PTGIS: variants seen among roughly 807,000 people sequenced by gnomAD.
The protein encoded by PTGIS is prostaglandin I2 synthase, also known as prostacyclin synthase.
PTGIS carries 45 observed loss-of-function variants against 50.3 expected under a neutral mutation model. The observed-to-expected ratio is 0.90, with a 90% confidence interval of 0.70 to 1.15. The LOEUF (loss-of-function observed/expected upper bound fraction) is 1.15. Ranked by LOEUF, PTGIS falls within the 50% of genes most tolerant of loss-of-function variation. The probability of loss-of-function intolerance (pLI) is 0.00; values close to 1 mark genes in which losing one functional copy is unlikely to be tolerated. For missense variants in PTGIS, 668 were observed against 661.3 expected (o/e 1.01, Z -0.11); for synonymous variants, 260 against 267.7 (o/e 0.97, Z 0.28).
chr20:49,514,000 G>A (rs917124916), intron 7 of PTGIS, among the ~76,000 whole-genome samples: 5 of 152,228 alleles, frequency 3.3e-5, no homozygotes, highest in Admixed American at 3.3e-4. Flanking sequence ...ATGTCTCAAA[G>A]TACCTTTTCA....
intron 2 of PTGIS, 65 bp from the exon 3 acceptor site, chr20:49,548,084 C>A: frequency 5.4e-6 from 8 of 1,489,600 alleles, no homozygotes; most frequent in Non-Finnish European, 7.4e-6. Flanking sequence ...TCTCAGTGGT[C>A]AGGGCCTTAC....
intron 1 of PTGIS, among the ~76,000 whole-genome samples, chr20:49,556,092 A>C (rs1982617526): frequency 6.6e-6 from 1 of 152,176 alleles, no homozygotes; most frequent in Admixed American, 6.5e-5. Flanking sequence ...CTTTTAAGCT[A>C]TTTATAGCTT....
At chr20:49,513,047 G>A in intron 8 of PTGIS, 33 bp downstream of exon 8, 1 of 1,612,852 alleles carries the variant, frequency 6.2e-7, no homozygotes, top group Non-Finnish European at 8.5e-7. Context: ...TTCTCCCACA[G>A]ACCCCATATG....
Position 49,507,568 on chromosome 20 carries a change from T to A in PTGIS, c.*352A>T. 2.6e-6 allele frequency: 1 copy of A among 381,874 alleles called. No individual in the cohort carries two copies. Among genetic ancestry groups the A allele is most frequent in the Non-Finnish European group, 5.0e-6 (1 of 199,056 alleles). 23.7% of individuals were successfully genotyped at this position (381,874 alleles called of 1,614,324 possible). On this transcript the variant is annotated 3_prime_UTR_variant, in exon 10 of 10. Transcript: ENST00000244043. ...TGCTAGCTCATAAGAACTAGGAAGGTGACACCTCCGGGAGTTGGGGGCAGA... is the reference window on the plus strand; with the variant it reads ...TGCTAGCTCATAAGAACTAGGAAGGAGACACCTCCGGGAGTTGGGGGCAGA...
At chr20:49,510,140 C>T (rs1242554143) in intron 9 of PTGIS, among the ~76,000 whole-genome samples, 5 of 151,926 alleles carry the variant, frequency 3.3e-5, no homozygotes, top group African/African-American at 4.8e-5. Context: ...CTGCCCACCT[C>T]GGCCTCCCAA....
chr20:49,508,070 G>A lies in PTGIS; in HGVS notation c.1359-6C>T. The A allele has an allele frequency of 3.7e-6, 6 of 1,613,694 alleles. No homozygotes were observed. Among genetic ancestry groups the A allele is most frequent in the Non-Finnish European group, 5.1e-6 (6 of 1,180,034 alleles). ...CCAGCACAAGGAACACAAATCTGCA[G>A]AGAGATGGCATGGAAGGTGTGAAGG... is the stretch of plus-strand genomic sequence containing the variant. On this transcript the variant is annotated splice_polypyrimidine_tract_variant and splice_region_variant and intron_variant, in intron 9 of 9. Transcript: ENST00000244043.
chr20:49,528,219 T>C (rs752630510), intron 5 of PTGIS, among the ~76,000 whole-genome samples: 4 of 152,180 alleles, frequency 2.6e-5, no homozygotes, highest in Admixed American at 1.3e-4. Flanking sequence ...ATTCCGGACA[T>C]AAACAGTCAT....
chr20:49,568,117 C>CGCGGTGCTGGCGGGGCTG lies in PTGIS; in HGVS notation c.-2_-1insCAGCCCCGCCAGCACCGC. 1.3e-6 allele frequency: 1 copy of CGCGGTGCTGGCGGGGCTG among 784,884 alleles called. No homozygotes were observed. Among genetic ancestry groups the CGCGGTGCTGGCGGGGCTG allele is most frequent in the South Asian group, 2.2e-5 (1 of 44,528 alleles). 48.6% of individuals were successfully genotyped at this position (784,884 alleles called of 1,614,324 possible). On this transcript the variant is annotated 5_prime_UTR_variant, in exon 1 of 10. Coordinates refer to ENST00000244043, the MANE Select transcript of PTGIS (RefSeq NM_000961.4). ...GGCCGAGGAGCGCGGCCCAAGCCAT[C>CGCGGTGCTGGCGGGGCTG]GCGGGGCTGGCGGGGCTGGCGGGGC...
At chr20:49,552,205 T>C (rs1261031583) in intron 1 of PTGIS, among the ~76,000 whole-genome samples, 2 of 152,168 alleles carry the variant, frequency 1.3e-5, no homozygotes, top group Non-Finnish European at 2.9e-5. Context: ...ACTACTCTTG[T>C]GTGTTTAAGA....
chr20:49,550,802 A>C (rs535365518), intron 1 of PTGIS, among the ~76,000 whole-genome samples: 1 of 152,354 alleles, frequency 6.6e-6, no homozygotes, highest in Non-Finnish European at 1.5e-5. Context: ...CAAGGAAGGC[A>C]AGTTTTCCTG....
In PTGIS at chr20:49,507,136, A is replaced by T. The variant is rs1390746546; in HGVS notation, c.*784T>A. The T allele has an allele frequency of 4.5e-5, 7 of 154,456 alleles. No individual in the cohort carries two copies. Among genetic ancestry groups the T allele is most frequent in the African/African-American group, 1.7e-4 (7 of 41,434 alleles). 9.6% of individuals were successfully genotyped at this position (154,456 alleles called of 1,614,324 possible). ...CCTTCTTTTTTGGCTTGATCAGTCTAAGGAGTCCTGGCTGGCTCCTTCCAG... is the reference window on the plus strand; with the variant it reads ...CCTTCTTTTTTGGCTTGATCAGTCTTAGGAGTCCTGGCTGGCTCCTTCCAG... On this transcript the variant is annotated 3_prime_UTR_variant, in exon 10 of 10. Coordinates refer to ENST00000244043, the MANE Select transcript of PTGIS (RefSeq NM_000961.4).
At chr20:49,516,850 C>T (rs977408146) in intron 6 of PTGIS, among the ~76,000 whole-genome samples, 20 of 152,222 alleles carry the variant, frequency 1.3e-4, no homozygotes, top group African/African-American at 3.1e-4. Context: ...ATCTGCATCC[C>T]TTTGGATTAG....
intron 1 of PTGIS, among the ~76,000 whole-genome samples, chr20:49,553,619 C>T (rs567377800): frequency 2.2e-4 from 34 of 151,612 alleles, no homozygotes; most frequent in Non-Finnish European, 4.1e-4. Context: ...TAAAAAGTTA[C>T]AGAAAAACAT....
chr20:49,528,288 T>C (rs1014167502), intron 5 of PTGIS, among the ~76,000 whole-genome samples: 1 of 152,036 alleles, frequency 6.6e-6, no homozygotes, highest in African/African-American at 2.4e-5. Context: ...CATCCTGCTC[T>C]GTCCTGCCTG....
chr20:49,550,282 G>T, intron 1 of PTGIS, 93 bp from the exon 2 acceptor site: 4 of 1,529,332 alleles, frequency 2.6e-6, no homozygotes, highest in South Asian at 1.1e-5. Flanking sequence ...TGGAGCAGTC[G>T]GGGAGGTAAT....
At chr20:49,543,862 A>G (rs1323149243) in intron 4 of PTGIS, among the ~76,000 whole-genome samples, 1 of 152,194 alleles carries the variant, frequency 6.6e-6, no homozygotes, top group Non-Finnish European at 1.5e-5. Context: ...TCCCTGCTGT[A>G]TCCCCAGAGC....
intron 5 of PTGIS, among the ~76,000 whole-genome samples, chr20:49,536,482 T>TTTC (rs1568677924): frequency 1.2e-4 from 14 of 115,972 alleles, no homozygotes; most frequent in East Asian, 1.1e-3. Flanking sequence ...TTCTTTCTTT[T>TTTC]TTTTTTTTTT....
Position 49,511,037 on chromosome 20 carries a change from C to T in PTGIS, c.1349G>A (p.Ser450Asn). ...CTGGCCCCCCACTCACTGTTTGATG[C>T]TGTTGACCGCATAACTCCTCCCCAG... is the stretch of plus-strand genomic sequence containing the variant. Reference protein sequence around the residue: ...HCLGRSYAVNSIKQFVFLVLV... With the variant: ...HCLGRSYAVNNIKQFVFLVLV... The change falls in exon 9 of 10, where the codon AGC (serine) becomes AAC (asparagine). Residue 450 changes from serine to asparagine, a missense_variant. By Grantham distance (46) the Ser-to-Asn change is conservative. Transcript: ENST00000244043. 1 of 1,613,384 alleles carries T rather than the reference C, an allele frequency of 6.2e-7. No individual in the cohort carries two copies. Among genetic ancestry groups the T allele is most frequent in the South Asian group, 1.1e-5 (1 of 91,036 alleles).
At chr20:49,528,732 A>C (rs1179005463) in intron 5 of PTGIS, among the ~76,000 whole-genome samples, 1 of 152,212 alleles carries the variant, frequency 6.6e-6, no homozygotes. Context: ...CTTACCCAAG[A>C]GTTATCTATT....
Sources: allele counts gnomAD v4.1 joint callset (sites outside exome capture counted in the v4.1 genomes callset), GRCh38; gene constraint gnomAD v4.1.1; transcripts MANE v1.5; gene names NCBI Gene and HGNC (gene_info 2026-07-23, HGNC 2026-07-21).